The following UTRN variants were observed in gnomAD, a reference collection of about 807,000 sequenced individuals.
The protein encoded by UTRN is utrophin.
In UTRN, 283 loss-of-function variants were observed where a neutral mutation model predicts 463.9. The observed-to-expected ratio is 0.61, with a 90% CI of 0.55 to 0.67. UTRN has a LOEUF of 0.67. Among genes scored for constraint, UTRN ranks in the 30% least tolerant of loss-of-function variants. The pLI is 0.00. For synonymous variants in UTRN, 1,442 were observed against 1,431.5 expected (o/e 1.01, Z -0.17); for missense variants, 3,922 against 4,084.3 (o/e 0.96, Z 1.08).
intron 2 of UTRN, among the ~76,000 whole-genome samples, chr6:144,301,451 G>C (rs372560787): frequency 7.6e-4 from 115 of 151,186 alleles, no homozygotes; most frequent in Non-Finnish European, 1.3e-3. Flanking sequence ...CATCAAGGCA[G>C]ATTGCTCAGA....
At chr6:144,447,563 T>C (rs759613301) in intron 15 of UTRN, 39 bp from the exon 16 acceptor site, 4 of 1,601,916 alleles carry the variant, frequency 2.5e-6, no homozygotes, top group Admixed American at 3.5e-5. Flanking sequence ...GACAAAGTCC[T>C]GTTAAAAAGA....
chr6:144,467,963 A>T (rs547290193), intron 23 of UTRN, among the ~76,000 whole-genome samples: 6 of 152,212 alleles, frequency 3.9e-5, no homozygotes, highest in African/African-American at 1.2e-4. Context: ...TGAGTATTAT[A>T]AAGTGAAACA....
At chr6:144,307,647 T>C (rs1029590898) in intron 2 of UTRN, among the ~76,000 whole-genome samples, 59 of 152,328 alleles carry the variant, frequency 3.9e-4, no homozygotes, top group African/African-American at 1.4e-3. Context: ...ACAAAAGACC[T>C]GATTGCTAGA....
At chr6:144,315,138 C>T (rs1775200208) in intron 2 of UTRN, among the ~76,000 whole-genome samples, 1 of 152,140 alleles carries the variant, frequency 6.6e-6, no homozygotes, top group Non-Finnish European at 1.5e-5. Flanking sequence ...GAACATAAGC[C>T]AGCCTGCAGA....
intron 39 of UTRN, 107 bp from the exon 40 acceptor site, chr6:144,521,873 T>A: frequency 1.4e-6 from 1 of 721,198 alleles, no homozygotes; most frequent in Non-Finnish European, 1.9e-6. Flanking sequence ...AAAATTTGGT[T>A]CATGATATTG....
At chr6:144,638,165 T>C (rs905036343) in intron 51 of UTRN, among the ~76,000 whole-genome samples, 2 of 152,240 alleles carry the variant, frequency 1.3e-5, no homozygotes, top group African/African-American at 4.8e-5. Flanking sequence ...TTTTATCTAA[T>C]GAGAGCACTG....
chr6:144,630,470 G>A (rs540906380), intron 51 of UTRN, among the ~76,000 whole-genome samples: 7 of 152,292 alleles, frequency 4.6e-5, no homozygotes, highest in South Asian at 4.1e-4. Flanking sequence ...CTTGCATGGC[G>A]GTGGGCCAGA....
At chr6:144,619,267 A>G (rs2128646375) in intron 51 of UTRN, among the ~76,000 whole-genome samples, 1 of 152,320 alleles carries the variant, frequency 6.6e-6, no homozygotes, top group East Asian at 1.9e-4. Flanking sequence ...ATGTAGTAGT[A>G]TGACCACAAT....
At chr6:144,836,207 A>T in intron 70 of UTRN, 94 bp from the exon 71 acceptor site, 1 of 1,567,390 alleles carries the variant, frequency 6.4e-7, no homozygotes, top group Non-Finnish European at 8.6e-7. Context: ...ATATAAGAGG[A>T]ACTAGCATGA....
intron 51 of UTRN, among the ~76,000 whole-genome samples, chr6:144,616,303 A>C (rs1806088088): frequency 6.6e-6 from 1 of 152,186 alleles, no homozygotes; most frequent in African/African-American, 2.4e-5. Flanking sequence ...CTACTTAATA[A>C]AGCAGGGTTT....
rs199787315 is a variant in UTRN at position 144,473,824 on chromosome 6, C to A, written c.3171C>A (p.Asp1057Glu). The change falls in exon 24 of 75, where the codon GAC becomes GAA. Residue 1057 changes from aspartate (D) to glutamate (E), a missense_variant. This residue lies in a region of UTRN where 2,349 missense variants were observed against 2,303.8 expected (regional missense o/e 1.02). Coordinates refer to ENST00000367545, the MANE Select transcript of UTRN (RefSeq NM_007124.3). ...ACGCAGGTCTACAGAGGCAGTTAGA[C>A]CAGTGCTCTGTGAGTTCTGCTGATC... ...GDDAGLQRQL[D>E]QCSAFVNEIE... 4.3e-6 allele frequency: 7 copies of A among 1,612,418 alleles called. No homozygotes were observed. Among genetic ancestry groups the A allele is most frequent in the South Asian group, 1.1e-5 (1 of 90,926 alleles).
At chr6:144,811,595 A>G (rs1778618023) in intron 65 of UTRN, among the ~76,000 whole-genome samples, 1 of 152,136 alleles carries the variant, frequency 6.6e-6, no homozygotes, top group African/African-American at 2.4e-5. Flanking sequence ...TAATTTTTTT[A>G]GCTTCATATA....
rs149349295 is a variant in UTRN at position 144,343,566 on chromosome 6, A to G, written c.79+51659A>G. On this transcript the variant is annotated intron_variant, in intron 2 of 74. Coordinates refer to ENST00000367545, the MANE Select transcript of UTRN (RefSeq NM_007124.3). Reference sequence around the variant, plus strand: ...CGAGTGAAAAAAAAATAATGATAATAAAGAGAGCAAGGTGACCACAAAAGA... The same window carrying G: ...CGAGTGAAAAAAAAATAATGATAATGAAGAGAGCAAGGTGACCACAAAAGA... 2.5e-3 allele frequency among the ~76,000 whole-genome samples: 382 copies of G among 152,254 alleles called. 3 individuals carry two copies. The highest frequency in any genetic ancestry group is 8.9e-3 in the African/African-American group (369 of 41,542).
chr6:144,792,312 C>T (rs9497083), intron 62 of UTRN, among the ~76,000 whole-genome samples: 2,778 of 152,186 alleles, frequency 0.018, 80 homozygotes, highest in African/African-American at 0.063. Flanking sequence ...TTTGGGAGGC[C>T]GATGTAGGGC....
At chr6:144,812,654 A>G (rs143276155) in intron 65 of UTRN, among the ~76,000 whole-genome samples, 43 of 152,320 alleles carry the variant, frequency 2.8e-4, no homozygotes, top group Middle Eastern at 3.4e-3. Context: ...GATAAAATGG[A>G]AGAAAATTGA....
At chr6:144,376,210 A>T (rs936363697) in intron 2 of UTRN, among the ~76,000 whole-genome samples, 1 of 152,018 alleles carries the variant, frequency 6.6e-6, no homozygotes, top group African/African-American at 2.4e-5. Flanking sequence ...TAATCCCAGC[A>T]CTTTGGGAGG....
intron 46 of UTRN, among the ~76,000 whole-genome samples, chr6:144,548,349 A>G (rs768874333): frequency 1.1e-4 from 17 of 152,218 alleles, no homozygotes; most frequent in Non-Finnish European, 2.2e-4. Flanking sequence ...TCTTGCCAAA[A>G]TAAAATAATA....
chr6:144,763,458 G>A (rs1792932997), intron 58 of UTRN, among the ~76,000 whole-genome samples: 1 of 152,186 alleles, frequency 6.6e-6, no homozygotes, highest in South Asian at 2.1e-4. Context: ...ATTGAAATTT[G>A]TAATAGTTGT....
chr6:144,575,491 T>TC (rs1165171908), intron 50 of UTRN, among the ~76,000 whole-genome samples: 2 of 152,102 alleles, frequency 1.3e-5, no homozygotes, highest in Non-Finnish European at 2.9e-5. Context: ...TATACAGTAG[T>TC]CCCCCCTTAT....
Sources: allele counts gnomAD v4.1 joint callset (sites outside exome capture counted in the v4.1 genomes callset), GRCh38; gene constraint gnomAD v4.1.1; regional missense constraint gnomAD v4.1.1; transcripts MANE v1.5; gene names NCBI Gene and HGNC (gene_info 2026-07-23, HGNC 2026-07-21).